ARAP1: variants seen among roughly 807,000 people sequenced by gnomAD.
The protein encoded by ARAP1 is ArfGAP with RhoGAP domain, ankyrin repeat and PH domain 1.
A neutral mutation model predicts 172.2 loss-of-function variants in ARAP1; 76 were observed. The ratio of observed to expected loss-of-function variants is 0.44; its 90% confidence interval spans 0.37 to 0.53. ARAP1 has a LOEUF of 0.53. ARAP1 is among the 20% of genes least tolerant of loss of function. The pLI is 0.00. For synonymous variants in ARAP1, 804 were observed against 803.3 expected (o/e 1.00, Z -0.01); for missense variants, 1,686 against 1,977.5 (o/e 0.85, Z 2.80).
At position 72,752,349 on chromosome 11, in the gene ARAP1, C is replaced by T. The variant is rs1233189295; in HGVS notation, c.-149G>A. The T allele has an allele frequency of 2.0e-5, 3 of 152,338 alleles. No homozygotes were observed. The highest frequency in any genetic ancestry group is 7.2e-5 in the African/African-American group (3 of 41,458). 9.4% of individuals were successfully genotyped at this position (152,338 alleles called of 1,614,324 possible). A position where few individuals can be genotyped will look rare whatever the true frequency, so the allele number is the denominator to read the frequency against. ...TGACCTGTTTTGAGTAAAGACTCCA[C>T]GCGGGGACCAGGCGTACCGGCGCCG... On this transcript the variant is annotated 5_prime_UTR_variant, in exon 1 of 35. It adds an upstream start codon to the 5' untranslated region. Coordinates refer to ENST00000393609, the MANE Select transcript of ARAP1 (RefSeq NM_001040118.3).
Position 72,704,321 on chromosome 11 carries a change from A to G in ARAP1, c.1823T>C (p.Leu608Pro). 4 of 1,590,544 alleles carry G rather than the reference A, an allele frequency of 2.5e-6. No individual in the cohort carries two copies. The highest frequency in any genetic ancestry group is 3.4e-6 in the Non-Finnish European group (4 of 1,167,972). ...GAAGCGGTTCCCAGCGCCATTCCCC[A>G]GCTGTAAGAAGAGCTGTGGGGGTGT... ...TETLIELFLQ[L>P]GNGAGNRFWA... is the part of the protein sequence containing the mutation. The change falls in exon 14 of 35, where the codon CTG becomes CCG. Residue 608 changes from leucine (L) to proline (P), a missense_variant. Coordinates refer to ENST00000393609, the MANE Select transcript of ARAP1 (RefSeq NM_001040118.3).
Position 72,687,397 on chromosome 11 carries a change from C to T in ARAP1, c.4185+42G>A. The T allele has an allele frequency of 3.7e-6, 6 of 1,613,030 alleles. No individual in the cohort carries two copies. The South Asian group carries it at 6.6e-5, about 18-fold the overall frequency. On this transcript the variant is annotated intron_variant, in intron 33 of 34. Coordinates refer to ENST00000393609, the MANE Select transcript of ARAP1 (RefSeq NM_001040118.3). ...TGTCCCCATTCTCCATAATGGAAGCCTCCAGGGACCCACCCCACACCCCAC... is the reference window on the plus strand; with the variant it reads ...TGTCCCCATTCTCCATAATGGAAGCTTCCAGGGACCCACCCCACACCCCAC...
At chr11:72,706,594 C>A (rs1856773531) in intron 12 of ARAP1, among the ~76,000 whole-genome samples, 1 of 152,182 alleles carries the variant, frequency 6.6e-6, no homozygotes, top group Non-Finnish European at 1.5e-5. Context: ...AGTTTTCCAC[C>A]ATAGATCCTG....
intron 27 of ARAP1, 86 bp downstream of exon 27, chr11:72,694,894 T>G: frequency 8.7e-7 from 1 of 1,147,516 alleles, no homozygotes; most frequent in Non-Finnish European, 1.3e-6. Context: ...CCCATCCTCA[T>G]GTGCAGGGTA....
In ARAP1 at chr11:72,725,622, G is replaced by A. The variant is rs1857665365; in HGVS notation, c.509+998C>T. On this transcript the variant is annotated intron_variant, in intron 3 of 34. Coordinates refer to ENST00000393609, the MANE Select transcript of ARAP1 (RefSeq NM_001040118.3). This position sits in a 1 kb window ranked among gnomAD's most constrained non-coding sequence, Gnocchi z 4.3. ...GAATCTCCCAGACCCTCCCCACAAG[G>A]CCCCCTGAGTATGTCCTTGGCATGG... 6.6e-6 allele frequency among the ~76,000 whole-genome samples: 1 copy of A among 151,856 alleles called. No homozygotes were observed. The highest frequency in any genetic ancestry group is 1.5e-5 in the Non-Finnish European group (1 of 67,964).
chr11:72,732,906 C>T (rs1363606779), intron 1 of ARAP1, among the ~76,000 whole-genome samples: 1 of 151,982 alleles, frequency 6.6e-6, no homozygotes, highest in Non-Finnish European at 1.5e-5. Context: ...TCACTTGAGC[C>T]CAGGAGGTGG....
intron 15 of ARAP1, among the ~76,000 whole-genome samples, chr11:72,702,306 C>T (rs777935384): frequency 1.3e-5 from 2 of 152,186 alleles, no homozygotes; most frequent in African/African-American, 2.4e-5. Context: ...CCCGCCCACC[C>T]ATGGCCCTGA....
chr11:72,726,717 C>A lies in ARAP1; in HGVS notation c.412G>T (p.Asp138Tyr). 7.7e-7 allele frequency: 1 copy of A among 1,297,398 alleles called. No individual in the cohort carries two copies. Among genetic ancestry groups the A allele is most frequent in the Non-Finnish European group, 1.0e-6 (1 of 990,136 alleles). 80.4% of individuals were successfully genotyped at this position (1,297,398 alleles called of 1,614,324 possible). A position where few individuals can be genotyped will look rare whatever the true frequency, so the allele number is the denominator to read the frequency against. The change falls in exon 3 of 35, where the codon GAC becomes TAC. Residue 138 changes from aspartate (D) to tyrosine (Y), a missense_variant. By Grantham distance (160) the Asp-to-Tyr change is radical (BLOSUM62 -3). Around this residue, in one of 5 missense-constraint regions of ARAP1, gnomAD observed 190 missense variants for 228.6 expected, o/e 0.83. Coordinates refer to ENST00000393609, the MANE Select transcript of ARAP1 (RefSeq NM_001040118.3). This position sits in a 1 kb window ranked among gnomAD's most constrained non-coding sequence, Gnocchi z 6.5. ...GCAGGCAGCGGGGGCAGCACAGGGT[C>A]TGGGGCAGCTGTGGATGGGGTGGTG... ...CFTTPSTAAPDPVLPPLPAKR... is the reference protein window; with the variant it reads ...CFTTPSTAAPYPVLPPLPAKR...
chr11:72,745,635 G>T (rs566937954), intron 1 of ARAP1, among the ~76,000 whole-genome samples: 54 of 152,248 alleles, frequency 3.5e-4, no homozygotes, highest in African/African-American at 1.2e-3. Context: ...CCACTGGAGG[G>T]ATGTGCTGCA....
intron 8 of ARAP1, 137 bp downstream of exon 8, chr11:72,711,293 G>A: frequency 6.8e-7 from 1 of 1,465,218 alleles, no homozygotes; most frequent in Non-Finnish European, 9.3e-7. Context: ...CAGGCAGAGG[G>A]CCAGGAGGAC....
intron 12 of ARAP1, among the ~76,000 whole-genome samples, chr11:72,706,130 C>T (rs1856749873): frequency 1.3e-5 from 2 of 152,230 alleles, no homozygotes; most frequent in Non-Finnish European, 2.9e-5. Context: ...CCCCTGGAAC[C>T]ATGCTTGGCC....
chr11:72,742,648 GCTCTGGTGATGGAGCACA>G (rs1858236155), intron 1 of ARAP1, among the ~76,000 whole-genome samples: 1 of 152,210 alleles, frequency 6.6e-6, no homozygotes, highest in African/African-American at 2.4e-5. Flanking sequence ...ACAGCAGGGT[GCTCTGGTGATGGAGCACA>G]CTGTGACAGA....
rs1856995389 is a variant in ARAP1 at position 72,711,144 on chromosome 11, G to C, written c.1093-3C>G. 1.2e-6 allele frequency: 2 copies of C among 1,614,102 alleles called. No homozygotes were observed. Among genetic ancestry groups the C allele is most frequent in the Non-Finnish European group, 8.5e-7 (1 of 1,180,006 alleles). On this transcript the variant is annotated splice_polypyrimidine_tract_variant and splice_region_variant and intron_variant, in intron 8 of 34. Coordinates refer to ENST00000393609, the MANE Select transcript of ARAP1 (RefSeq NM_001040118.3). ...ATAAAGCGCTTAGAGTAAGCGTCCTGGGGGAGAGACAGGAACTATATTTTG... is the reference window on the plus strand; with the variant it reads ...ATAAAGCGCTTAGAGTAAGCGTCCTCGGGGAGAGACAGGAACTATATTTTG...
rs1857704172 is a variant in ARAP1, at chr11:72,726,746, C to T, written c.383G>A (p.Cys128Tyr). Reference protein sequence around the residue: ...PPRRSCLPPTCFTTPSTAAPD... With the variant: ...PPRRSCLPPTYFTTPSTAAPD... ...GGCAGCTGTGGATGGGGTGGTGAAGCAGGTGGGCGGAAGGCAGCTCCTCCG... is the reference window on the plus strand; with the variant it reads ...GGCAGCTGTGGATGGGGTGGTGAAGTAGGTGGGCGGAAGGCAGCTCCTCCG... The change falls in exon 3 of 35, where the codon TGC becomes TAC. Residue 128 changes from cysteine (C) to tyrosine (Y), a missense_variant. Around this residue, in one of 5 missense-constraint regions of ARAP1, gnomAD observed 190 missense variants for 228.6 expected, o/e 0.83. Transcript: ENST00000393609. The surrounding 1 kb of genome is among the most constrained non-coding windows in gnomAD (Gnocchi z 6.5). 3.2e-5 allele frequency: 42 copies of T among 1,304,786 alleles called. No individual in the cohort carries two copies. The highest frequency in any genetic ancestry group is 4.0e-5 in the Non-Finnish European group (40 of 996,660). The allele number at this position is 1,304,786 out of a possible 1,614,324, so 80.8% of individuals were successfully genotyped here. A position where few individuals can be genotyped will look rare whatever the true frequency, so the allele number is the denominator to read the frequency against.
intron 20 of ARAP1, 48 bp from the exon 21 acceptor site, chr11:72,697,534 C>G: frequency 1.9e-6 from 3 of 1,613,052 alleles, no homozygotes; most frequent in South Asian, 2.2e-5. Context: ...CTATCCCACC[C>G]TGTCCCCAGG....
intron 5 of ARAP1, chr11:72,712,895 C>T (rs1469243751): frequency 5.0e-6 from 3 of 598,492 alleles, no homozygotes; most frequent in Admixed American, 3.0e-5. Context: ...CACTCCGGGA[C>T]AGGACACGAG....
At chr11:72,721,322 G>A (rs928021645) in intron 3 of ARAP1, among the ~76,000 whole-genome samples, 1 of 152,208 alleles carries the variant, frequency 6.6e-6, no homozygotes, top group Non-Finnish European at 1.5e-5. Flanking sequence ...TCCTGGGGAG[G>A]AGGGGTAAGC....
At chr11:72,711,402 G>GTCGCGTCAGGACTGATGCAGGCC (rs775593038) in intron 8 of ARAP1, 28 bp downstream of exon 8, 2 of 1,600,914 alleles carry the variant, frequency 1.2e-6, no homozygotes, top group South Asian at 1.1e-5. Flanking sequence ...TGGAGCAGGG[G>GTCGCGTCAGGACTGATGCAGGCC]TCGCGTCAGG....
At chr11:72,722,206 A>T (rs1857547308) in intron 3 of ARAP1, 3 of 983,600 alleles carry the variant, frequency 3.1e-6, no homozygotes, top group Middle Eastern at 5.2e-4. Context: ...AGTGTGTGTG[A>T]GTGTGTGTGA....
Sources: allele counts gnomAD v4.1 joint callset (sites outside exome capture counted in the v4.1 genomes callset), GRCh38; gene constraint gnomAD v4.1.1; regional missense constraint gnomAD v4.1.1; non-coding constraint Gnocchi (gnomAD v3.1); transcripts MANE v1.5; gene names NCBI Gene and HGNC (gene_info 2026-07-23, HGNC 2026-07-21).